The following SIK2 variants were observed in gnomAD, a reference collection of about 807,000 sequenced individuals.
SIK2 encodes serine/threonine-protein kinase SIK2.
A neutral mutation model predicts 103.2 loss-of-function variants in SIK2; 29 were observed. The observed-to-expected ratio is 0.28, with a 90% CI of 0.21 to 0.38. The LOEUF is 0.38. Among genes scored for constraint, SIK2 ranks in the 10% least tolerant of loss-of-function variants. The pLI, the probability that SIK2 is intolerant of heterozygous loss-of-function variation, is 1.00. For missense variants in SIK2, 879 were observed against 1,171.0 expected, an observed-to-expected ratio of 0.75 and a Z score of 3.64; for synonymous variants, 412 against 446.1, an observed-to-expected ratio of 0.92 and a Z score of 0.96.
chr11:111,644,640 A>C (rs997181808), intron 3 of SIK2, among the ~76,000 whole-genome samples: 1 of 152,162 alleles, frequency 6.6e-6, no homozygotes, highest in African/African-American at 2.4e-5. Flanking sequence ...AAGGAATCTG[A>C]AGAAGAGGAA....
rs766208853 is a variant in SIK2, at chr11:111,723,935, A to G, written c.2587A>G (p.Thr863Ala). 2 of 1,611,610 alleles carry G rather than the reference A, an allele frequency of 1.2e-6. No individual in the cohort carries two copies. Among genetic ancestry groups the G allele is most frequent in the Admixed American group, 3.3e-5 (2 of 59,746 alleles). The change falls in exon 15 of 15, where the codon ACT (threonine) becomes GCT (alanine). Residue 863 changes from threonine to alanine, a missense_variant. By Grantham distance (58) the Thr-to-Ala change is moderately conservative. Around this residue, in one of 7 missense-constraint regions of SIK2, gnomAD observed 375 missense variants for 416.3 expected, o/e 0.90. Coordinates refer to ENST00000304987, the MANE Select transcript of SIK2 (RefSeq NM_015191.3). The part of the protein sequence containing the change: ...SAASPAPDYP[T>A]PCQYPVDGAQ... Reference sequence around the variant, plus strand: ...TGCTTCCCCTGCGCCAGACTATCCCACTCCCTGTCAGTATCCTGTGGATGG... The same window carrying G: ...TGCTTCCCCTGCGCCAGACTATCCCGCTCCCTGTCAGTATCCTGTGGATGG...
At chr11:111,700,092 A>G (rs1257082982) in intron 4 of SIK2, among the ~76,000 whole-genome samples, 1 of 152,238 alleles carries the variant, frequency 6.6e-6, no homozygotes, top group Non-Finnish European at 1.5e-5. Context: ...GCAAAAGGGT[A>G]TGAACTTGCA....
chr11:111,603,913 C>G (rs1386464987), intron 1 of SIK2, among the ~76,000 whole-genome samples: 3 of 152,180 alleles, frequency 2.0e-5, no homozygotes, highest in African/African-American at 7.2e-5. Flanking sequence ...CACTTGCAAA[C>G]GTGAGTGATT....
rs925743880 is a variant in SIK2, at chr11:111,729,379, A to G, written c.*5250A>G. 1.3e-5 allele frequency: 2 copies of G among 152,226 alleles called. No individual in the cohort carries two copies. The highest frequency in any genetic ancestry group is 4.8e-5 in the African/African-American group (2 of 41,450). 9.4% of individuals were successfully genotyped at this position (152,226 alleles called of 1,614,324 possible). A position where few individuals can be genotyped will look rare whatever the true frequency, so the allele number is the denominator to read the frequency against. ...CCCACCCACAAGGGAGCAATAGCTT[A>G]TATTTGTACATTAGTTTTACCAAGC... On this transcript the variant is annotated 3_prime_UTR_variant, in exon 15 of 15. Transcript: ENST00000304987.
At chr11:111,604,407 T>C (rs2135826107) in intron 1 of SIK2, among the ~76,000 whole-genome samples, 1 of 152,382 alleles carries the variant, frequency 6.6e-6, no homozygotes, top group South Asian at 2.1e-4. Context: ...CAGTTCTTAA[T>C]ATTTTTTTCT....
chr11:111,651,910 A>T (rs1329794776), intron 3 of SIK2, among the ~76,000 whole-genome samples: 1 of 152,210 alleles, frequency 6.6e-6, no homozygotes, highest in African/African-American at 2.4e-5. Context: ...GATAATTTTA[A>T]TGGAAGTCAT....
chr11:111,710,517 G>A (rs1943466784), intron 8 of SIK2, among the ~76,000 whole-genome samples: 1 of 152,152 alleles, frequency 6.6e-6, no homozygotes, highest in South Asian at 2.1e-4. Flanking sequence ...CCCCATCCTT[G>A]AAAATCATCA....
intron 9 of SIK2, among the ~76,000 whole-genome samples, chr11:111,719,027 G>A (rs1168458432): frequency 2.0e-5 from 3 of 152,216 alleles, no homozygotes; most frequent in Non-Finnish European, 4.4e-5. Context: ...ACCCCTGTGG[G>A]ATAGGAACCA....
At chr11:111,626,054 A>T (rs1209553187) in intron 3 of SIK2, among the ~76,000 whole-genome samples, 3 of 152,232 alleles carry the variant, frequency 2.0e-5, no homozygotes, top group African/African-American at 7.2e-5. Flanking sequence ...TTTTAAATGT[A>T]TAAGGTTTAT....
At chr11:111,687,595 GT>G (rs201226025) in intron 3 of SIK2, among the ~76,000 whole-genome samples, 2 of 133,910 alleles carry the variant, frequency 1.5e-5, no homozygotes, top group Admixed American at 1.6e-4. Flanking sequence ...ACTAATTATT[GT>G]TTTTTTTAAA....
chr11:111,612,915 G>GATATATATGTATATATATAT (rs1941745840), intron 1 of SIK2, among the ~76,000 whole-genome samples: 2 of 50,028 alleles, frequency 4.0e-5, no homozygotes, highest in African/African-American at 1.3e-4. Flanking sequence ...ATAGCAATGG[G>GATATATATGTATATATATAT]ATATATATAT....
At chr11:111,611,086 ATG>A (rs113893092) in intron 1 of SIK2, among the ~76,000 whole-genome samples, 5,268 of 89,708 alleles carry the variant, frequency 0.059, 307 homozygotes, top group African/African-American at 0.14. Flanking sequence ...TCTCGACCAA[ATG>A]TGTGTGTGTG....
intron 9 of SIK2, among the ~76,000 whole-genome samples, chr11:111,712,833 T>A (rs1327514868): frequency 1.3e-5 from 2 of 152,238 alleles, no homozygotes; most frequent in African/African-American, 4.8e-5. Context: ...TGTGATCAGT[T>A]ATACATGTGT....
In SIK2 at chr11:111,730,485, A is replaced by C. The variant is rs1944151232; in HGVS notation, c.*6356A>C. ...ATATCTGCACTTTGTAGAAAGGGCAAGATTATTTGCTTATATCTGAAGGGA... is the reference window on the plus strand; with the variant it reads ...ATATCTGCACTTTGTAGAAAGGGCACGATTATTTGCTTATATCTGAAGGGA... On this transcript the variant is annotated 3_prime_UTR_variant, in exon 15 of 15. Coordinates refer to ENST00000304987, the MANE Select transcript of SIK2 (RefSeq NM_015191.3). 1 of 152,254 alleles carries C rather than the reference A, an allele frequency of 6.6e-6. No individual in the cohort carries two copies. Among genetic ancestry groups the C allele is most frequent in the African/African-American group, 2.4e-5 (1 of 41,464 alleles). The allele number at this position is 152,254 out of a possible 1,614,324, so 9.4% of individuals were successfully genotyped here.
chr11:111,727,151 C>T lies in SIK2; in HGVS notation c.*3022C>T. 2.0e-6 allele frequency: 2 copies of T among 1,019,764 alleles called. No individual in the cohort carries two copies. Among genetic ancestry groups the T allele is most frequent in the South Asian group, 1.3e-5 (1 of 74,596 alleles). The allele number at this position is 1,019,764 out of a possible 1,614,324, so 63.2% of individuals were successfully genotyped here. A position where few individuals can be genotyped will look rare whatever the true frequency, so the allele number is the denominator to read the frequency against. On this transcript the variant is annotated 3_prime_UTR_variant, in exon 15 of 15. Coordinates refer to ENST00000304987, the MANE Select transcript of SIK2 (RefSeq NM_015191.3). Reference sequence around the variant, plus strand: ...ACCGTCCCCAGCTGCCCCCTCGCCACCTCTGCCTGCACTGCCTTCTGTCAC... The same window carrying T: ...ACCGTCCCCAGCTGCCCCCTCGCCATCTCTGCCTGCACTGCCTTCTGTCAC...
chr11:111,712,500 T>C, intron 9 of SIK2, 125 bp downstream of exon 9: 1 of 1,014,352 alleles, frequency 9.9e-7, no homozygotes, highest in Non-Finnish European at 1.4e-6. Flanking sequence ...GAGTGATGCT[T>C]TTGTGGAGAA....
chr11:111,609,188 TA>T (rs1459967880), intron 1 of SIK2, among the ~76,000 whole-genome samples: 1 of 152,202 alleles, frequency 6.6e-6, no homozygotes, highest in Non-Finnish European at 1.5e-5. Context: ...CTTTTTAAGA[TA>T]GGGGATTATT....
At chr11:111,671,489 A>AG in intron 3 of SIK2, 1 of 278,138 alleles carries the variant, frequency 3.6e-6, no homozygotes, top group South Asian at 3.8e-5. Flanking sequence ...GTGCAATGCA[A>AG]GTCATCTCAG....
At chr11:111,699,140 A>T (rs1565367847) in intron 4 of SIK2, among the ~76,000 whole-genome samples, 1 of 152,158 alleles carries the variant, frequency 6.6e-6, no homozygotes, top group Non-Finnish European at 1.5e-5. Context: ...TGGACTGTGG[A>T]GCTGAGCTGA....
Sources: gnomAD v4.1 joint callset for allele counts (sites outside exome capture counted in the v4.1 genomes callset) on GRCh38, gnomAD v4.1.1 for gene constraint, gnomAD v4.1.1 regional missense constraint, MANE v1.5 for transcripts, NCBI Gene and HGNC (gene_info 2026-07-23, HGNC 2026-07-21) for gene names.